The following INPP4B variants were observed in gnomAD, a reference collection of about 807,000 sequenced individuals.
INPP4B encodes inositol polyphosphate 4-phosphatase type II.
A neutral mutation model predicts 122.5 loss-of-function variants in INPP4B; 55 were observed. That is an observed-to-expected ratio of 0.45 (90% CI 0.36 to 0.56). The LOEUF is 0.56. Ranked by LOEUF, INPP4B falls within the 20% of genes least tolerant of loss-of-function variation. The probability of loss-of-function intolerance (pLI) is 0.00; values close to 1 mark genes in which losing one functional copy is unlikely to be tolerated. For synonymous variants in INPP4B, 403 were observed against 388.7 expected, an observed-to-expected ratio of 1.04 and a Z score of -0.43; for missense variants, 1,000 against 1,097.7, an observed-to-expected ratio of 0.91 and a Z score of 1.26.
intron 18 of INPP4B, among the ~76,000 whole-genome samples, chr4:142,127,634 A>G (rs948204376): frequency 1.1e-4 from 16 of 152,178 alleles, no homozygotes; most frequent in African/African-American, 2.9e-4. Flanking sequence ...TATACTTTTT[A>G]TGGCTAAAAT....
intron 7 of INPP4B, among the ~76,000 whole-genome samples, chr4:142,392,180 T>C (rs1272544136): frequency 6.6e-6 from 1 of 152,166 alleles, no homozygotes; most frequent in Admixed American, 6.5e-5. Context: ...CTGTTGGAAC[T>C]GTATACCCAC....
chr4:142,751,903 T>G (rs889176248), intron 1 of INPP4B, among the ~76,000 whole-genome samples: 1 of 152,124 alleles, frequency 6.6e-6, no homozygotes, highest in Non-Finnish European at 1.5e-5. Flanking sequence ...ACAATTAGTA[T>G]TTTTCCAAGT....
At chr4:142,783,897 C>T (rs1373899186) in intron 1 of INPP4B, among the ~76,000 whole-genome samples, 1 of 151,942 alleles carries the variant, frequency 6.6e-6, no homozygotes, top group Non-Finnish European at 1.5e-5. Flanking sequence ...CAGGTAAAGG[C>T]ACATCATTGG....
intron 2 of INPP4B, among the ~76,000 whole-genome samples, chr4:142,673,053 G>A (rs1365251679): frequency 6.6e-6 from 1 of 152,032 alleles, no homozygotes; most frequent in Non-Finnish European, 1.5e-5. Flanking sequence ...ACTTCTGTGA[G>A]CCTATTTCTG....
At chr4:142,643,507 C>T (rs1751006874) in intron 2 of INPP4B, among the ~76,000 whole-genome samples, 1 of 152,112 alleles carries the variant, frequency 6.6e-6, no homozygotes, top group African/African-American at 2.4e-5. Flanking sequence ...GCAATCTTGA[C>T]CTGATGATGG....
chr4:142,102,532 GTGT>G (rs1785005160), intron 23 of INPP4B, among the ~76,000 whole-genome samples: 1 of 146,968 alleles, frequency 6.8e-6, no homozygotes, highest in Non-Finnish European at 1.5e-5. Context: ...GTGAGAGAAA[GTGT>G]TGTATCAGCA....
At chr4:142,355,133 CA>C (rs1338372071) in intron 7 of INPP4B, among the ~76,000 whole-genome samples, 2 of 151,870 alleles carry the variant, frequency 1.3e-5, no homozygotes, top group African/African-American at 2.4e-5. Flanking sequence ...TCCAAGAAGG[CA>C]AAAGTAAAAA....
intron 2 of INPP4B, among the ~76,000 whole-genome samples, chr4:142,584,818 C>T (rs1735824057): frequency 6.6e-6 from 1 of 152,014 alleles, no homozygotes; most frequent in African/African-American, 2.4e-5. Context: ...GTTCCACCTC[C>T]TTGAGGGCAG....
chr4:142,598,352 G>A (rs1260656301), intron 2 of INPP4B, among the ~76,000 whole-genome samples: 1 of 152,152 alleles, frequency 6.6e-6, no homozygotes, highest in Non-Finnish European at 1.5e-5. Context: ...ACCAGACAGG[G>A]AACTCACACT....
intron 1 of INPP4B, among the ~76,000 whole-genome samples, chr4:142,733,716 A>C (rs189257187): frequency 3.1e-4 from 47 of 152,316 alleles, no homozygotes; most frequent in Admixed American, 1.4e-3. Context: ...AGAGTTTGGT[A>C]GTATCTCTCC....
Position 142,179,298 on chromosome 4 carries a change from C to G in INPP4B, c.1182-5489G>C, listed in dbSNP as rs181972100. ...GGCCAGCCTGGAAAGCACAGTAAAACCCTGTCTCTACTAAAATACAAAAAA... is the reference window on the plus strand; with the variant it reads ...GGCCAGCCTGGAAAGCACAGTAAAAGCCTGTCTCTACTAAAATACAAAAAA... On this transcript the variant is annotated intron_variant, in intron 15 of 25. Transcript: ENST00000262992. Among the ~76,000 whole-genome samples, 31 of 151,824 alleles carry G rather than the reference C, an allele frequency of 2.0e-4. No homozygotes were observed. The East Asian group carries it at 2.5e-3, about 12-fold the overall frequency.
At chr4:142,464,071 G>A (rs1030962840) in intron 2 of INPP4B, among the ~76,000 whole-genome samples, 7 of 152,210 alleles carry the variant, frequency 4.6e-5, no homozygotes, top group African/African-American at 1.7e-4. Flanking sequence ...AGTAATTCAG[G>A]CAGAGTCCCA....
chr4:142,637,695 A>G (rs115353616), intron 2 of INPP4B, among the ~76,000 whole-genome samples: 1,752 of 152,292 alleles, frequency 0.012, 31 homozygotes, highest in African/African-American at 0.032. Flanking sequence ...TAAGTTTTCA[A>G]TTCATTTGGG....
At position 142,171,571 on chromosome 4, in the gene INPP4B, A is replaced by G. The variant is rs543968973; in HGVS notation, c.1359+2061T>C. On this transcript the variant is annotated intron_variant, in intron 16 of 25. Transcript: ENST00000262992. ...TTTCATACCTGAATTCATGGATCAT[A>G]CTTTGTTCTAAACCATGAGATACTA... Among the ~76,000 whole-genome samples, 9 of 151,978 alleles carry G rather than the reference A, an allele frequency of 5.9e-5. No individual in the cohort carries two copies. The South Asian group carries it at 1.9e-3, about 31-fold the overall frequency.
chr4:142,230,218 A>G (rs942488691), intron 12 of INPP4B, among the ~76,000 whole-genome samples: 29 of 152,344 alleles, frequency 1.9e-4, no homozygotes, highest in African/African-American at 6.5e-4. Context: ...ACATTATACA[A>G]AGAATCACAG....
intron 2 of INPP4B, among the ~76,000 whole-genome samples, chr4:142,563,678 C>T (rs1236714712): frequency 6.6e-6 from 1 of 152,124 alleles, no homozygotes; most frequent in Non-Finnish European, 1.5e-5. Context: ...TTGGGACTTG[C>T]TTTGGCTAAA....
chr4:142,128,648 G>A (rs1561222167), intron 18 of INPP4B, among the ~76,000 whole-genome samples: 1 of 152,284 alleles, frequency 6.6e-6, no homozygotes, highest in East Asian at 1.9e-4. Flanking sequence ...GCTTAGCTGA[G>A]CTTTTCCTGA....
At chr4:142,162,636 G>A (rs774719935) in intron 16 of INPP4B, among the ~76,000 whole-genome samples, 9 of 151,828 alleles carry the variant, frequency 5.9e-5, no homozygotes, top group Non-Finnish European at 7.4e-5. Context: ...CACACTCAAT[G>A]AAATCTTCTC....
intron 2 of INPP4B, among the ~76,000 whole-genome samples, chr4:142,568,856 A>T (rs1365480154): frequency 6.6e-6 from 1 of 152,140 alleles, no homozygotes; most frequent in Non-Finnish European, 1.5e-5. Flanking sequence ...ATAATTTAGT[A>T]GCTCAGAGAA....
Sources: allele counts gnomAD v4.1 joint callset (sites outside exome capture counted in the v4.1 genomes callset), GRCh38; gene constraint gnomAD v4.1.1; transcripts MANE v1.5; gene names NCBI Gene and HGNC (gene_info 2026-07-23, HGNC 2026-07-21).